The following NKAIN2 variants were observed in gnomAD, a reference collection of about 807,000 sequenced individuals.
NKAIN2 encodes the protein sodium/potassium-transporting ATPase subunit beta-1-interacting protein 2.
Under a neutral mutation model 32.6 loss-of-function variants are expected in NKAIN2, and 14 were observed. The ratio of observed to expected loss-of-function variants is 0.43; its 90% CI spans 0.28 to 0.67. The LOEUF is 0.67. Ranked by LOEUF, NKAIN2 falls within the 30% of genes least tolerant of loss-of-function variation. The pLI, the probability that NKAIN2 is intolerant of heterozygous loss-of-function variation, is 0.17. For missense variants in NKAIN2, 198 were observed against 258.3 expected (o/e 0.77, Z 1.60); for synonymous variants, 80 against 87.2 (o/e 0.92, Z 0.46).
intron 1 of NKAIN2, among the ~76,000 whole-genome samples, chr6:124,167,297 A>C (rs1788601905): frequency 6.7e-6 from 1 of 148,824 alleles, no homozygotes; most frequent in Admixed American, 6.7e-5. Context: ...ATGGGAGTTC[A>C]CTCATGATTT....
chr6:124,779,310 G>GGGAA (rs1331702812), intron 4 of NKAIN2, among the ~76,000 whole-genome samples: 1 of 95,838 alleles, frequency 1.0e-5, no homozygotes, highest in Non-Finnish European at 2.1e-5. Flanking sequence ...GAGGGAGGGA[G>GGGAA]GGAGGGAGGG....
chr6:123,948,585 A>G (rs1043438907), intron 1 of NKAIN2, among the ~76,000 whole-genome samples: 1 of 117,044 alleles, frequency 8.5e-6, no homozygotes, highest in African/African-American at 3.0e-5. Flanking sequence ...TCGTTTCCCC[A>G]TCTTAAATGG....
intron 3 of NKAIN2, among the ~76,000 whole-genome samples, chr6:124,589,500 T>A (rs1383815953): frequency 6.6e-6 from 1 of 152,162 alleles, no homozygotes; most frequent in Non-Finnish European, 1.5e-5. Context: ...GACTTCTTCC[T>A]ATTAGGGAAC....
At chr6:124,697,571 T>C (rs2114557471) in intron 4 of NKAIN2, among the ~76,000 whole-genome samples, 1 of 152,354 alleles carries the variant, frequency 6.6e-6, no homozygotes. Flanking sequence ...GTATAAGCTA[T>C]GCTTTTATAA....
intron 1 of NKAIN2, among the ~76,000 whole-genome samples, chr6:123,991,428 T>C (rs1303462201): frequency 6.6e-6 from 1 of 151,848 alleles, no homozygotes; most frequent in Non-Finnish European, 1.5e-5. Flanking sequence ...AAAAAAAGTT[T>C]GGAAGGATCC....
chr6:124,676,849 G>T (rs1181567023), intron 4 of NKAIN2, among the ~76,000 whole-genome samples: 1 of 152,074 alleles, frequency 6.6e-6, no homozygotes, highest in Non-Finnish European at 1.5e-5. Context: ...TTTGCATGGA[G>T]TATCTTTTTC....
chr6:124,685,831 G>A (rs1773845665), intron 4 of NKAIN2, among the ~76,000 whole-genome samples: 2 of 152,138 alleles, frequency 1.3e-5, no homozygotes, highest in African/African-American at 4.8e-5. Context: ...GTTATCTATT[G>A]CTGCTATATC....
chr6:124,737,386 G>T (rs1777001430), intron 4 of NKAIN2, among the ~76,000 whole-genome samples: 1 of 151,836 alleles, frequency 6.6e-6, no homozygotes, highest in Non-Finnish European at 1.5e-5. Flanking sequence ...GGACATGTTT[G>T]CTTCCCCATC....
chr6:124,554,723 C>T (rs182520742), intron 3 of NKAIN2, among the ~76,000 whole-genome samples: 19 of 152,330 alleles, frequency 1.2e-4, no homozygotes, highest in Non-Finnish European at 2.4e-4. Flanking sequence ...TTTGGTACAA[C>T]TTTTGTCATT....
At chr6:124,712,566 G>T (rs1191284083) in intron 4 of NKAIN2, among the ~76,000 whole-genome samples, 3 of 136,294 alleles carry the variant, frequency 2.2e-5, no homozygotes, top group Non-Finnish European at 3.1e-5. Context: ...ATTCGGGTGG[G>T]AGTGACCCGA....
At chr6:123,970,860 C>T (rs752891542) in intron 1 of NKAIN2, among the ~76,000 whole-genome samples, 2 of 151,376 alleles carry the variant, frequency 1.3e-5, no homozygotes, top group African/African-American at 2.4e-5. Context: ...CCAGCCTGGT[C>T]GACGAAGTGA....
At chr6:123,989,593 C>G (rs1487376826) in intron 1 of NKAIN2, among the ~76,000 whole-genome samples, 1 of 152,132 alleles carries the variant, frequency 6.6e-6, no homozygotes, top group East Asian at 1.9e-4. Context: ...TCATTGCAAT[C>G]TTTGTCTAAT....
At chr6:124,038,261 C>T (rs1180765417) in intron 1 of NKAIN2, among the ~76,000 whole-genome samples, 11 of 149,886 alleles carry the variant, frequency 7.3e-5, no homozygotes, top group Non-Finnish European at 1.2e-4. Flanking sequence ...TTTTTTGAGT[C>T]TCACTCTGTC....
intron 3 of NKAIN2, among the ~76,000 whole-genome samples, chr6:124,566,301 T>C (rs142917859): frequency 1.5e-3 from 233 of 152,360 alleles, no homozygotes; most frequent in Middle Eastern, 3.4e-3. Context: ...GAAGTCAGTA[T>C]GGGCCTTTAT....
intron 3 of NKAIN2, among the ~76,000 whole-genome samples, chr6:124,358,339 AG>A (rs1164289762): frequency 3.9e-5 from 6 of 152,118 alleles, no homozygotes; most frequent in African/African-American, 1.2e-4. Context: ...TAGATCCCTG[AG>A]GAATCGCCAC....
chr6:124,133,820 C>T (rs1299907486), intron 1 of NKAIN2, among the ~76,000 whole-genome samples: 1 of 151,834 alleles, frequency 6.6e-6, no homozygotes, highest in Non-Finnish European at 1.5e-5. Context: ...CTAAAATAAA[C>T]ATTAAAGTCT....
intron 1 of NKAIN2, among the ~76,000 whole-genome samples, chr6:124,064,592 G>C (rs1783075515): frequency 6.6e-6 from 1 of 152,052 alleles, no homozygotes; most frequent in South Asian, 2.1e-4. Context: ...ACTGAAAGAT[G>C]TCCAGATATG....
At chr6:124,821,895 A>C (rs1445440313) in intron 6 of NKAIN2, among the ~76,000 whole-genome samples, 1 of 152,244 alleles carries the variant, frequency 6.6e-6, no homozygotes, top group Non-Finnish European at 1.5e-5. Flanking sequence ...AAAGGAAAAC[A>C]AAAGTCACAC....
At chr6:124,777,696 G>C (rs1371180229) in intron 4 of NKAIN2, among the ~76,000 whole-genome samples, 1 of 152,120 alleles carries the variant, frequency 6.6e-6, no homozygotes, top group Non-Finnish European at 1.5e-5. Context: ...GTCACTGGGA[G>C]TCAGAGTTAT....
Sources: gnomAD v4.1 joint callset for allele counts (sites outside exome capture counted in the v4.1 genomes callset) on GRCh38, gnomAD v4.1.1 for gene constraint, MANE v1.5 for transcripts, NCBI Gene and HGNC (gene_info 2026-07-23, HGNC 2026-07-21) for gene names.